Variants in ZFHX3 observed in about 807,000 individuals in gnomAD.
The protein encoded by ZFHX3 is zinc finger homeobox 3, also known as zinc finger homeobox protein 3.
Under a neutral mutation model 279.1 loss-of-function variants are expected in ZFHX3, and 42 were observed. That is an observed-to-expected ratio of 0.15 (90% confidence interval 0.12 to 0.19). ZFHX3 has a LOEUF of 0.19. Among genes scored for constraint, ZFHX3 ranks in the 10% least tolerant of loss-of-function variants. The pLI is 1.00. For synonymous variants in ZFHX3, 2,293 were observed against 1,957.8 expected, an observed-to-expected ratio of 1.17 and a Z score of -4.52; for missense variants, 4,981 against 4,754.0, an observed-to-expected ratio of 1.05 and a Z score of -1.40.
At chr16:73,097,581 C>T (rs934886393) in intron 7 of ZFHX3, among the ~76,000 whole-genome samples, 1 of 152,070 alleles carries the variant, frequency 6.6e-6, no homozygotes, top group Non-Finnish European at 1.5e-5. Flanking sequence ...TAAAATTTGC[C>T]ATTTTACCCA....
chr16:73,269,288 T>A (rs6564165), intron 4 of ZFHX3, among the ~76,000 whole-genome samples: 96,524 of 152,088 alleles, frequency 0.63, 31,622 homozygotes, highest in African/African-American at 0.8. Flanking sequence ...GGATGGTTCT[T>A]TTGTCCCTGA....
chr16:72,829,051 A>G (rs899722650), intron 5 of ZFHX3, among the ~76,000 whole-genome samples: 11 of 150,064 alleles, frequency 7.3e-5, no homozygotes, highest in Admixed American at 6.6e-4. Flanking sequence ...GCTGGAGTGC[A>G]GTGGCTGGCA....
At chr16:73,354,867 T>C (rs2016310178) in intron 3 of ZFHX3, among the ~76,000 whole-genome samples, 1 of 152,202 alleles carries the variant, frequency 6.6e-6, no homozygotes, top group African/African-American at 2.4e-5. Context: ...TCGGTCTTCA[T>C]TTAAAACCCT....
intron 5 of ZFHX3, among the ~76,000 whole-genome samples, chr16:73,230,429 CAAT>C (rs1302566818): frequency 1.3e-5 from 2 of 152,092 alleles, no homozygotes; most frequent in Non-Finnish European, 2.9e-5. Context: ...ATAAGTGTCT[CAAT>C]GATATAAAAA....
At chr16:73,366,346 G>C (rs1361093585) in intron 3 of ZFHX3, among the ~76,000 whole-genome samples, 1 of 152,076 alleles carries the variant, frequency 6.6e-6, no homozygotes. Context: ...ATTTTTAAAA[G>C]GCTCATGATG....
intron 4 of ZFHX3, among the ~76,000 whole-genome samples, chr16:72,834,990 G>C (rs555568837): frequency 1.3e-5 from 2 of 152,188 alleles, no homozygotes; most frequent in East Asian, 3.9e-4. Flanking sequence ...CCCCAAACCT[G>C]ACAAAGCCCC....
chr16:72,850,470 T>C (rs2037588634), intron 4 of ZFHX3, among the ~76,000 whole-genome samples: 1 of 152,250 alleles, frequency 6.6e-6, no homozygotes, highest in African/African-American at 2.4e-5. Flanking sequence ...CTTATATCAC[T>C]GTAGAGTCGA....
chr16:72,788,196 T>C lies in ZFHX3; in HGVS notation c.10080A>G (p.Leu3360=). The C allele has an allele frequency of 6.2e-7, 1 of 1,612,430 alleles. No homozygotes were observed. The highest frequency in any genetic ancestry group is 8.5e-7 in the Non-Finnish European group (1 of 1,179,004). Residue 3360 remains leucine (L), a synonymous_variant, in exon 10 of 10, where the codon CTA becomes CTG. Transcript: ENST00000268489. ...QALMGLSPGS[L]LQQYQQYQQS... The stretch of plus-strand genomic sequence containing the variant: ...GCTGGTATTGCTGGTACTGCTGCAG[T>C]AGGGAGCCTGGGGACAGCCCCATCA...
intron 3 of ZFHX3, among the ~76,000 whole-genome samples, chr16:72,904,232 G>A (rs1373181192): frequency 6.6e-6 from 1 of 151,960 alleles, no homozygotes; most frequent in African/African-American, 2.4e-5. Context: ...CGGGCGTGGT[G>A]GCAGGCTCCT....
At chr16:72,939,617 G>A (rs1451969755) in intron 3 of ZFHX3, among the ~76,000 whole-genome samples, 1 of 152,252 alleles carries the variant, frequency 6.6e-6, no homozygotes, top group African/African-American at 2.4e-5. Flanking sequence ...GCTGGGTGCA[G>A]TGGCTCAGGC....
chr16:73,112,985 A>C (rs1428585594), intron 7 of ZFHX3, among the ~76,000 whole-genome samples: 1 of 151,968 alleles, frequency 6.6e-6, no homozygotes, highest in Admixed American at 6.6e-5. Context: ...CACTGGACAA[A>C]CTTTGGCTCT....
intron 5 of ZFHX3, among the ~76,000 whole-genome samples, chr16:72,823,511 C>T (rs1010650827): frequency 6.6e-6 from 1 of 152,172 alleles, no homozygotes; most frequent in Non-Finnish European, 1.5e-5. Flanking sequence ...CCCAAGAACA[C>T]AGAACTAGGT....
chr16:73,555,377 A>G (rs780024218), intron 2 of ZFHX3, among the ~76,000 whole-genome samples: 9 of 151,846 alleles, frequency 5.9e-5, no homozygotes, highest in Non-Finnish European at 7.4e-5. Context: ...GATGGTCCCG[A>G]TATCTTGACC....
intron 1 of ZFHX3, among the ~76,000 whole-genome samples, chr16:73,702,074 C>T (rs1272021819): frequency 6.6e-6 from 1 of 152,086 alleles, no homozygotes; most frequent in East Asian, 1.9e-4. Flanking sequence ...TTTCCCAAAT[C>T]AAGGAGGTGG....
chr16:72,829,735 A>G (rs2037019899), intron 5 of ZFHX3, 44 bp downstream of exon 5: 1 of 1,603,414 alleles, frequency 6.2e-7, no homozygotes, highest in African/African-American at 1.3e-5. Flanking sequence ...AGGCTCAAGG[A>G]CAGCCACACA....
chr16:72,838,714 G>C (rs2037263942), intron 4 of ZFHX3, among the ~76,000 whole-genome samples: 1 of 152,106 alleles, frequency 6.6e-6, no homozygotes, highest in African/African-American at 2.4e-5. Flanking sequence ...GGGGTCAAGA[G>C]AGGAGAAAAA....
intron 2 of ZFHX3, among the ~76,000 whole-genome samples, chr16:73,603,654 A>G (rs1164686026): frequency 6.6e-6 from 1 of 152,136 alleles, no homozygotes; most frequent in African/African-American, 2.4e-5. Context: ...AAATGAACAC[A>G]CAAAAGTCAG....
In ZFHX3 at chr16:73,536,713, GC is replaced by G. The variant is rs1597373422; in HGVS notation, c.-1546-80456del. On this transcript the variant is annotated intron_variant, in intron 2 of 17. Coordinates refer to the ZFHX3 transcript ENST00000641206. ...CATCAGTTAGGCTTGATTCTCTACA[GC>G]TGTTCCTGGCACATGAGGTTTTCTC... Among the ~76,000 whole-genome samples the G allele has an allele frequency of 2.0e-5, 3 of 152,270 alleles. No individual in the cohort carries two copies. In the East Asian group the frequency reaches 5.8e-4, roughly 29 times the overall value.
chr16:73,418,461 G>T (rs1413096145), intron 3 of ZFHX3, among the ~76,000 whole-genome samples: 3 of 152,352 alleles, frequency 2.0e-5, no homozygotes, highest in Admixed American at 2.0e-4. Flanking sequence ...CTTTGTTCAG[G>T]CTGTGTTTGT....
Sources: allele counts gnomAD v4.1 joint callset (sites outside exome capture counted in the v4.1 genomes callset), GRCh38; gene constraint gnomAD v4.1.1; transcripts MANE v1.5; gene names NCBI Gene and HGNC (gene_info 2026-07-23, HGNC 2026-07-21).